The following ACP4 variants were observed in gnomAD, a reference collection of about 807,000 sequenced individuals.
ACP4 encodes acid phosphatase 4, also known as testicular acid phosphatase.
Under a neutral mutation model 47.3 loss-of-function variants are expected in ACP4, and 49 were observed. The observed-to-expected ratio is 1.04, with a 90% CI of 0.82 to 1.32. The LOEUF (loss-of-function observed/expected upper bound fraction) is 1.32, where lower values mean the gene tolerates loss of function less well. Among genes scored for constraint, ACP4 ranks in the 40% most tolerant of loss-of-function variants. The pLI is 0.00. For synonymous variants in ACP4, 299 were observed against 265.3 expected, an observed-to-expected ratio of 1.13 and a Z score of -1.23; for missense variants, 594 against 579.3, an observed-to-expected ratio of 1.03 and a Z score of -0.26.
intron 7 of ACP4, 31 bp from the exon 8 acceptor site, chr19:50,793,857 G>C: frequency 1.9e-6 from 3 of 1,614,156 alleles, no homozygotes; most frequent in South Asian, 1.1e-5. Context: ...CTTCCTCTGG[G>C]AGAGTCTAAG....
chr19:50,794,945 TGAG>T lies in ACP4; in HGVS notation c.1148_1150del (p.Glu383del), dbSNP rs2089545214. 6.2e-7 allele frequency: 1 copy of T among 1,612,888 alleles called. No homozygotes were observed. The highest frequency in any genetic ancestry group is 1.1e-5 in the South Asian group (1 of 90,920). Reference sequence around the variant, plus strand: ...ATGGGGTCTCCTGCCATGGCCCCTATGAGGCTGCCATCCCCCCAGGTGACAGTC... The same window carrying T: ...ATGGGGTCTCCTGCCATGGCCCCTATGCTGCCATCCCCCCAGGTGACAGTC... On this transcript the variant is annotated inframe_deletion, in exon 10 of 11. Transcript: ENST00000270593.
intron 3 of ACP4, 139 bp from the exon 4 acceptor site, chr19:50,791,517 C>A: frequency 1.6e-6 from 2 of 1,285,442 alleles, no homozygotes; most frequent in Non-Finnish European, 2.2e-6. Context: ...TTGATCCCAA[C>A]TTCCAACTTC....
Position 50,790,683 on chromosome 19 carries a change from G to A in ACP4, c.201G>A (p.Leu67=), listed in dbSNP as rs1323018885. Residue 67 remains leucine, a synonymous_variant, in exon 2 of 11, where the codon CTG becomes CTA. Coordinates refer to ENST00000270593, the MANE Select transcript of ACP4 (RefSeq NM_033068.3). ...CCTCCACCCTGTGGCCACGAGGCCT[G>A]GGCCAGCTGACCACGGTGAGAAGCG... is the stretch of plus-strand genomic sequence containing the variant. ...EVASTLWPRG[L]GQLTTEGVRQ... 6.5e-7 allele frequency: 1 copy of A among 1,549,818 alleles called. No homozygotes were observed. The highest frequency in any genetic ancestry group is 8.7e-7 in the Non-Finnish European group (1 of 1,148,896).
intron 8 of ACP4, 37 bp downstream of exon 8, chr19:50,794,007 G>A (rs1173208887): frequency 1.2e-6 from 2 of 1,608,858 alleles, no homozygotes; most frequent in South Asian, 1.1e-5. Flanking sequence ...TGGCACTGAG[G>A]CACAGGGATG....
rs914297480 is a variant in ACP4, at chr19:50,793,745, A to G, written c.707A>G (p.Gln236Arg). 1 of 1,613,666 alleles carries G rather than the reference A, an allele frequency of 6.2e-7. No individual in the cohort carries two copies. Among genetic ancestry groups the G allele is most frequent in the Non-Finnish European group, 8.5e-7 (1 of 1,180,040 alleles). Residue 236 changes from glutamine (Q) to arginine (R), a missense_variant, in exon 7 of 11, where the codon CAG becomes CGG. Coordinates refer to ENST00000270593, the MANE Select transcript of ACP4 (RefSeq NM_033068.3). ...CCAGATGTCCTGCGGACTCTTGCCC[A>G]GATCTCGGCTTTGGATATTGGAGCC... ...ASPDVLRTLA[Q>R]ISALDIGAHV...
chr19:50,794,361 T>G lies in ACP4; in HGVS notation c.862-96T>G, dbSNP rs2089536715. 3.3e-6 allele frequency: 5 copies of G among 1,532,970 alleles called. No individual in the cohort carries two copies. The East Asian group carries it at 6.8e-5, about 21-fold the overall frequency. 95.0% of individuals were successfully genotyped at this position (1,532,970 alleles called of 1,614,324 possible). A position where few individuals can be genotyped will look rare whatever the true frequency, so the allele number is the denominator to read the frequency against. ...AGGAGTAGCTTTGGGGGGTTGGTTCTAAGAAGCCTGGGGGACATCTGGATG... is the reference window on the plus strand; with the variant it reads ...AGGAGTAGCTTTGGGGGGTTGGTTCGAAGAAGCCTGGGGGACATCTGGATG... On this transcript the variant is annotated intron_variant, in intron 8 of 10. Transcript: ENST00000270593.
chr19:50,794,066 T>C, intron 8 of ACP4, 96 bp downstream of exon 8: 2 of 1,413,758 alleles, frequency 1.4e-6, no homozygotes, highest in Non-Finnish European at 2.0e-6. Context: ...CCAGTGGATC[T>C]CAGCCCACTG....
intron 3 of ACP4, 145 bp downstream of exon 3, chr19:50,791,005 T>C: frequency 1.3e-6 from 1 of 764,922 alleles, no homozygotes; most frequent in Non-Finnish European, 2.1e-6. Context: ...TGACCCCCGA[T>C]ACACTGACTA....
chr19:50,792,102 C>T lies in ACP4; in HGVS notation c.480C>T (p.Pro160=). 6.2e-7 allele frequency: 1 copy of T among 1,600,326 alleles called. No homozygotes were observed. The highest frequency in any genetic ancestry group is 8.5e-7 in the Non-Finnish European group (1 of 1,174,992). ...KLLRFPMRSC[P]RYHELLREAT... is the part of the protein sequence containing the mutation. ...TGAGGTTCCCCATGCGCAGCTGTCC[C>T]CGATACCACGAGCTGCTGCGGGAGG... Residue 160 remains proline (P), a synonymous_variant, in exon 5 of 11, where the codon CCC becomes CCT. Coordinates refer to ENST00000270593, the MANE Select transcript of ACP4 (RefSeq NM_033068.3).
intron 3 of ACP4, 30 bp downstream of exon 3, chr19:50,790,890 C>T (rs1427898949): frequency 1.0e-5 from 16 of 1,531,878 alleles, no homozygotes; most frequent in Non-Finnish European, 1.4e-5. Context: ...CACCTGGCCC[C>T]CTGACCTCCC....
chr19:50,791,519 T>A lies in ACP4; in HGVS notation c.304-137T>A, dbSNP rs915356040. On this transcript the variant is annotated intron_variant, in intron 3 of 10. Transcript: ENST00000270593. ...AGCCTCTGGACCCTTGATCCCAACT[T>A]CCAACTTCGAAGGCCACATGATTCT... 4 of 1,298,508 alleles carry A rather than the reference T, an allele frequency of 3.1e-6. No homozygotes were observed. The African/African-American group carries it at 5.9e-5, about 19-fold the overall frequency. 80.4% of individuals were successfully genotyped at this position (1,298,508 alleles called of 1,614,324 possible).
Position 50,794,534 on chromosome 19 carries a change from C to G in ACP4, c.939C>G (p.Leu313=), listed in dbSNP as rs773590110. Residue 313 remains leucine (L), a synonymous_variant, in exon 9 of 11, where the codon CTC becomes CTG. Coordinates refer to ENST00000270593, the MANE Select transcript of ACP4 (RefSeq NM_033068.3). ...DGHTPPYAAC[L]GFEFRKHLGN... ...ACACCCCGCCATATGCTGCCTGCCT[C>G]GGCTTTGAGTTCCGGAAGCACCTGG... is the stretch of plus-strand genomic sequence containing the variant. The G allele has an allele frequency of 6.2e-7, 1 of 1,613,930 alleles. No homozygotes were observed. The highest frequency in any genetic ancestry group is 8.5e-7 in the Non-Finnish European group (1 of 1,180,016).
intron 9 of ACP4, 50 bp downstream of exon 9, chr19:50,794,631 G>A (rs746709186): frequency 1.2e-6 from 2 of 1,613,140 alleles, no homozygotes; most frequent in Middle Eastern, 1.6e-4. Context: ...AACTCTCAAA[G>A]CAAGGGGTGA....
In ACP4 at chr19:50,792,136, G is replaced by A. The variant is rs747422053; in HGVS notation, c.514G>A (p.Ala172Thr). 6.2e-7 allele frequency: 1 copy of A among 1,608,692 alleles called. No individual in the cohort carries two copies. Among genetic ancestry groups the A allele is most frequent in the African/African-American group, 1.3e-5 (1 of 74,992 alleles). Residue 172 changes from alanine to threonine, a missense_variant, in exon 5 of 11, where the codon GCC becomes ACC. Physicochemically the swap from Ala to Thr is moderately conservative, Grantham distance 58. Coordinates refer to ENST00000270593, the MANE Select transcript of ACP4 (RefSeq NM_033068.3). ...YHELLREATEAAEYQEALEGW... is the reference protein window; with the variant it reads ...YHELLREATETAEYQEALEGW... Reference sequence around the variant, plus strand: ...CGAGCTGCTGCGGGAGGCCACCGAGGCCGCCGAGTACCAGGAGGCCCTGGA... The same window carrying A: ...CGAGCTGCTGCGGGAGGCCACCGAGACCGCCGAGTACCAGGAGGCCCTGGA...
chr19:50,791,633 G>A (rs767862556), intron 3 of ACP4, 23 bp from the exon 4 acceptor site: 88 of 1,597,068 alleles, frequency 5.5e-5, no homozygotes, highest in Admixed American at 1.3e-4. Flanking sequence ...CCCCCCGCGT[G>A]CCCTCTCTCC....
intron 3 of ACP4, 144 bp from the exon 4 acceptor site, chr19:50,791,512 C>A: frequency 8.0e-7 from 1 of 1,243,036 alleles, no homozygotes; most frequent in Non-Finnish European, 1.1e-6. Context: ...GACCCTTGAT[C>A]CCAACTTCCA....
At position 50,793,803 on chromosome 19, in the gene ACP4, C is replaced by G; in HGVS notation, c.765C>G (p.Ala255=). 1 of 1,613,978 alleles carries G rather than the reference C, an allele frequency of 6.2e-7. No individual in the cohort carries two copies. Among genetic ancestry groups the G allele is most frequent in the Non-Finnish European group, 8.5e-7 (1 of 1,180,032 alleles). ...HVGPPRAAEK[A]QLTGGILLNA... Reference sequence around the variant, plus strand: ...GCCCACCCCGGGCAGCAGAGAAGGCCCAGCTGACAGGGGGTGAGGTGTGGG... The same window carrying G: ...GCCCACCCCGGGCAGCAGAGAAGGCGCAGCTGACAGGGGGTGAGGTGTGGG... The change falls in exon 7 of 11, where the codon GCC becomes GCG. Residue 255 remains alanine (A), a synonymous_variant. Transcript: ENST00000270593.
In ACP4 at chr19:50,793,721, C is replaced by T; in HGVS notation, c.683C>T (p.Pro228Leu). 6.2e-7 allele frequency: 1 copy of T among 1,613,750 alleles called. No homozygotes were observed. ...CTTCCACTACCAGCCTGGGCCTCCC[C>T]AGATGTCCTGCGGACTCTTGCCCAG... ...HGLPLPAWAS[P>L]DVLRTLAQIS... Residue 228 changes from proline to leucine, a missense_variant, in exon 7 of 11, where the codon CCA (proline) becomes CTA (leucine). Physicochemically the swap from Pro to Leu is moderately conservative, Grantham distance 98. Transcript: ENST00000270593.
intron 8 of ACP4, 121 bp downstream of exon 8, chr19:50,794,091 T>C: frequency 8.4e-7 from 1 of 1,189,612 alleles, no homozygotes; most frequent in Non-Finnish European, 1.2e-6. Flanking sequence ...GGGTAACCCG[T>C]ATCTCCAAAC....
Sources: gnomAD v4.1 joint callset for allele counts on GRCh38, gnomAD v4.1.1 for gene constraint, MANE v1.5 for transcripts, NCBI Gene and HGNC (gene_info 2026-07-23, HGNC 2026-07-21) for gene names.